The following RFT1 variants were observed in gnomAD, a reference collection of about 807,000 sequenced individuals.
The protein encoded by RFT1 is man(5)GlcNAc(2)-PP-dolichol translocation protein RFT1.
A neutral mutation model predicts 62.2 loss-of-function variants in RFT1; 43 were observed. That is an observed-to-expected ratio of 0.69 (90% CI 0.54 to 0.89). The LOEUF is 0.89. RFT1 is among the 40% of genes least tolerant of loss of function. RFT1 has a pLI of 0.00. For missense variants in RFT1, 605 were observed against 649.9 expected (o/e 0.93, Z 0.75); for synonymous variants, 262 against 264.6 (o/e 0.99, Z 0.10).
At chr3:53,099,555 T>C in intron 10 of RFT1, 69 bp from the exon 11 acceptor site, 2 of 1,239,658 alleles carry the variant, frequency 1.6e-6, no homozygotes, top group East Asian at 2.4e-5. Flanking sequence ...TCAGTGCTGC[T>C]GAGTACCCAG....
chr3:53,079,310 A>C, the RFT1 span, among the ~76,000 whole-genome samples: 1 of 152,194 alleles, frequency 6.6e-6, no homozygotes, highest in Non-Finnish European at 1.5e-5. Context: ...CCAAATGTCC[A>C]TGGCCTCACA....
Position 53,092,411 on chromosome 3 carries a change from G to A in RFT1, c.1416C>T (p.Leu472=), listed in dbSNP as rs565750176. The A allele has an allele frequency of 6.2e-6, 10 of 1,607,368 alleles. No individual in the cohort carries two copies. The highest frequency in any genetic ancestry group is 2.2e-5 in the East Asian group (1 of 44,692). Residue 472 remains leucine, a synonymous_variant, in exon 12 of 13, where the codon CTC becomes CTT. Transcript: ENST00000296292. ...LAGLHLSPVL[L]GTFALSGGVT... ...CCCCACCACTGAGGGCAAATGTCCC[G>A]AGCAGGACTGGCGATAGGTGCAGGC...
chr3:53,115,211 C>A (rs1423271712), intron 6 of RFT1, among the ~76,000 whole-genome samples: 1 of 152,170 alleles, frequency 6.6e-6, no homozygotes, highest in Non-Finnish European at 1.5e-5. Flanking sequence ...GAGATTGGGG[C>A]TCGACCTGCA....
the RFT1 span, among the ~76,000 whole-genome samples, chr3:53,081,276 A>G: frequency 2.3e-3 from 349 of 152,330 alleles, 2 homozygotes; most frequent in African/African-American, 7.4e-3. Flanking sequence ...GAGTATTTAT[A>G]ATGCCCTCGC....
chr3:53,105,652 T>C (rs376702575), intron 9 of RFT1, 21 bp downstream of exon 9: 44 of 1,612,374 alleles, frequency 2.7e-5, no homozygotes, highest in Non-Finnish European at 3.6e-5. Flanking sequence ...ACTTGAGAGA[T>C]GACATAAGAA....
intron 2 of RFT1, among the ~76,000 whole-genome samples, chr3:53,124,212 CCT>C (rs1273418393): frequency 6.6e-6 from 1 of 152,166 alleles, no homozygotes; most frequent in African/African-American, 2.4e-5. Context: ...ACCGATGGCC[CCT>C]GTGAGAAAAG....
Position 53,092,551 on chromosome 3 carries a change from A to G in RFT1, c.1276T>C (p.Cys426Arg). 4.3e-6 allele frequency: 7 copies of G among 1,612,754 alleles called. No individual in the cohort carries two copies. The highest frequency in any genetic ancestry group is 5.9e-6 in the Non-Finnish European group (7 of 1,179,634). The part of the protein sequence containing the change: ...LVLSYLLTRW[C>R]GSVGFILANC... The stretch of plus-strand genomic sequence containing the variant: ...GCCAAGATGAAGCCCACGCTGCCAC[A>G]CCAACGGGTCAAGAGATAGGATAAC... Residue 426 changes from cysteine (C) to arginine (R), a missense_variant, in exon 12 of 13, where the codon TGT (cysteine) becomes CGT (arginine). Transcript: ENST00000296292.
intron 9 of RFT1, among the ~76,000 whole-genome samples, chr3:53,104,620 A>G (rs1701412051): frequency 6.6e-6 from 1 of 152,226 alleles, no homozygotes; most frequent in Non-Finnish European, 1.5e-5. Flanking sequence ...TTATGATGAT[A>G]CTGTGAAGGT....
chr3:53,104,047 G>C lies in RFT1; in HGVS notation c.1008C>G (p.Ala336=), dbSNP rs199734288. 7 of 1,614,170 alleles carry C rather than the reference G, an allele frequency of 4.3e-6. No individual in the cohort carries two copies. The part of the protein sequence containing the change: ...AAVLESLLKL[A]LLAGLTITVF... ...CAGTGATGGTCAGGCCGGCCAGCAG[G>C]GCCAGCTTGAGCAGGGACTCCAAGA... The change falls in exon 10 of 13, where the codon GCC becomes GCG. Residue 336 remains alanine, a synonymous_variant. Coordinates refer to ENST00000296292, the MANE Select transcript of RFT1 (RefSeq NM_052859.4).
chr3:53,083,857 T>C (rs1700805379), downstream of RFT1, among the ~76,000 whole-genome samples: 1 of 152,246 alleles, frequency 6.6e-6, no homozygotes, highest in East Asian at 1.9e-4. Context: ...GAGATGCCAC[T>C]TGGGGATCTC....
chr3:53,114,150 C>T (rs145275685), intron 6 of RFT1, among the ~76,000 whole-genome samples: 185 of 152,294 alleles, frequency 1.2e-3, no homozygotes, highest in African/African-American at 3.2e-3. Context: ...TGGATTCTGA[C>T]CACAGCCGGC....
At chr3:53,123,580 G>A (rs573603924) in intron 3 of RFT1, 144 bp downstream of exon 3, 31 of 708,160 alleles carry the variant, frequency 4.4e-5, no homozygotes, top group Admixed American at 1.9e-4. Context: ...CACTGTCCCC[G>A]TCTTGTTGTA....
At chr3:53,087,648 G>A (rs1039276175), downstream of RFT1, among the ~76,000 whole-genome samples, 20 of 151,914 alleles carry the variant, frequency 1.3e-4, no homozygotes, top group Admixed American at 1.2e-3. Context: ...TCAGCCTCCC[G>A]TATAGGAACT....
intron 3 of RFT1, among the ~76,000 whole-genome samples, chr3:53,122,947 ATGAC>A (rs1702012085): frequency 6.6e-6 from 1 of 152,234 alleles, no homozygotes. Context: ...TGTTGTTAGA[ATGAC>A]TGACAGACTG....
At chr3:53,103,871 G>A (rs1701385322) in intron 10 of RFT1, 82 bp downstream of exon 10, 1 of 1,532,076 alleles carries the variant, frequency 6.5e-7, no homozygotes, top group East Asian at 2.3e-5. Flanking sequence ...TAACAACTGT[G>A]TGTGCACAAG....
At chr3:53,072,713 G>C in the RFT1 span, among the ~76,000 whole-genome samples, 1 of 152,222 alleles carries the variant, frequency 6.6e-6, no homozygotes, top group African/African-American at 2.4e-5. Flanking sequence ...ACGCATCGCA[G>C]CCTCCGCTGA....
chr3:53,107,263 GC>G (rs1378681774), intron 7 of RFT1, among the ~76,000 whole-genome samples: 1 of 151,640 alleles, frequency 6.6e-6, no homozygotes, highest in African/African-American at 2.4e-5. Flanking sequence ...AGTCTCCCGA[GC>G]AGCTGGGACT....
At chr3:53,103,351 T>C (rs1006090797) in intron 10 of RFT1, 28 of 877,094 alleles carry the variant, frequency 3.2e-5, no homozygotes, top group African/African-American at 3.6e-5. Context: ...CATTTTGAAA[T>C]TGATGAAGTC....
At chr3:53,094,351 GCACACACACA>G (rs55637878) in intron 11 of RFT1, among the ~76,000 whole-genome samples, 66,537 of 149,712 alleles carry the variant, frequency 0.44, 17,054 homozygotes, top group East Asian at 0.71. Flanking sequence ...AATACTACAC[GCACACACACA>G]CACACACACA....
Sources: allele counts gnomAD v4.1 joint callset (sites outside exome capture counted in the v4.1 genomes callset), GRCh38; gene constraint gnomAD v4.1.1; transcripts MANE v1.5; gene names NCBI Gene and HGNC (gene_info 2026-07-23, HGNC 2026-07-21).